ABL2: variants seen among roughly 807,000 people sequenced by gnomAD.
The protein encoded by ABL2 is tyrosine-protein kinase ABL2.
In ABL2, 49 loss-of-function variants were observed where a neutral mutation model predicts 107.7. The ratio of observed to expected loss-of-function variants is 0.45; its 90% CI spans 0.36 to 0.58. The LOEUF is 0.58. Ranked by LOEUF, ABL2 falls within the 20% of genes least tolerant of loss-of-function variation. The pLI is 0.00. For missense variants in ABL2, 1,245 were observed against 1,457.0 expected, an observed-to-expected ratio of 0.85 and a Z score of 2.37; for synonymous variants, 549 against 548.6, an observed-to-expected ratio of 1.00 and a Z score of -0.01.
chr1:179,203,806 T>C (rs1176973271), intron 1 of ABL2, among the ~76,000 whole-genome samples: 1 of 152,206 alleles, frequency 6.6e-6, no homozygotes, highest in Admixed American at 6.5e-5. Context: ...ACAGGCAGCA[T>C]AGCCTGGTGG....
chr1:179,206,007 T>A (rs149300101), intron 1 of ABL2, among the ~76,000 whole-genome samples: 2 of 152,212 alleles, frequency 1.3e-5, no homozygotes, highest in Admixed American at 6.5e-5. Flanking sequence ...ATCATTATCA[T>A]CTCTATTTTA....
chr1:179,210,190 A>G (rs1662186227), intron 1 of ABL2, among the ~76,000 whole-genome samples: 1 of 152,084 alleles, frequency 6.6e-6, no homozygotes, highest in South Asian at 2.1e-4. Flanking sequence ...AAATACTTTA[A>G]ATGAGAAAAA....
chr1:179,137,675 T>C (rs1657163392), intron 1 of ABL2: 1 of 152,248 alleles, frequency 6.6e-6, no homozygotes, highest in Admixed American at 6.5e-5. Context: ...GTCATATAGT[T>C]ATACCTTACT....
At chr1:179,118,549 G>A in intron 7 of ABL2, 38 bp downstream of exon 7, 3 of 1,575,364 alleles carry the variant, frequency 1.9e-6, no homozygotes, top group Non-Finnish European at 2.6e-6. Flanking sequence ...TGTCAAGCAA[G>A]ATGGCTTCAT....
intron 1 of ABL2, chr1:179,142,816 C>A (rs1053487423): frequency 2.7e-5 from 33 of 1,242,344 alleles, no homozygotes; most frequent in Non-Finnish European, 3.6e-5. Flanking sequence ...CAAACTTTCA[C>A]TGACCAAGAA....
At chr1:179,135,942 G>A (rs1447611356) in intron 1 of ABL2, among the ~76,000 whole-genome samples, 1 of 124,308 alleles carries the variant, frequency 8.0e-6, no homozygotes, top group Non-Finnish European at 1.8e-5. Flanking sequence ...CAGCCGCCCC[G>A]TCCAGGAGGG....
At chr1:179,135,687 G>A (rs1182129049) in intron 1 of ABL2, among the ~76,000 whole-genome samples, 9 of 145,280 alleles carry the variant, frequency 6.2e-5, no homozygotes, top group African/African-American at 1.3e-4. Context: ...CGCCCCATCC[G>A]GGAGGTGAGG....
At chr1:179,214,519 C>CATATATATATATT in intron 1 of ABL2, among the ~76,000 whole-genome samples, 1 of 122,146 alleles carries the variant, frequency 8.2e-6, no homozygotes, top group South Asian at 2.9e-4. Context: ...TTTAAAATGA[C>CATATATATATATT]ATATATATAT....
intron 1 of ABL2, among the ~76,000 whole-genome samples, chr1:179,197,604 C>T (rs1404499127): frequency 3.3e-5 from 5 of 150,146 alleles, no homozygotes; most frequent in Non-Finnish European, 5.9e-5. Context: ...TGAGGTGGCT[C>T]ACGCCTGTAA....
chr1:179,224,919 G>A (rs1018217197), intron 1 of ABL2, among the ~76,000 whole-genome samples: 7 of 151,692 alleles, frequency 4.6e-5, no homozygotes, highest in Admixed American at 6.6e-5. Context: ...TCAGCTCCTC[G>A]GGAGGCTGAG....
intron 8 of ABL2, chr1:179,117,030 A>C (rs560551416): frequency 2.7e-6 from 1 of 371,964 alleles, no homozygotes; most frequent in South Asian, 2.4e-5. Context: ...TAGAGATGGG[A>C]GTTCACCATG....
chr1:179,193,951 T>A (rs1342073306), intron 1 of ABL2, among the ~76,000 whole-genome samples: 1 of 152,166 alleles, frequency 6.6e-6, no homozygotes, highest in Admixed American at 6.6e-5. Flanking sequence ...TTAGCCAGGA[T>A]GGTCTCGATC....
chr1:179,223,003 G>C (rs369731081), intron 1 of ABL2, among the ~76,000 whole-genome samples: 1 of 151,182 alleles, frequency 6.6e-6, no homozygotes, highest in Non-Finnish European at 1.5e-5. Flanking sequence ...CCAGCTACTC[G>C]GGAGGCTGAG....
intron 1 of ABL2, among the ~76,000 whole-genome samples, chr1:179,149,570 G>C (rs1230661661): frequency 6.6e-6 from 1 of 152,208 alleles, no homozygotes; most frequent in Non-Finnish European, 1.5e-5. Flanking sequence ...CAAAGGACAG[G>C]TTGATTCTCT....
rs1386860178 is a variant in ABL2 at position 179,105,148 on chromosome 1, A to C, written c.*2570T>G. The C allele has an allele frequency of 4.4e-6, 1 of 229,732 alleles. No homozygotes were observed. Among genetic ancestry groups the C allele is most frequent in the East Asian group, 6.2e-5 (1 of 16,210 alleles). 14.2% of individuals were successfully genotyped at this position (229,732 alleles called of 1,614,324 possible). A position where few individuals can be genotyped will look rare whatever the true frequency, so the allele number is the denominator to read the frequency against. ...AATTCCATTTATATATCGTGCACCC[A>C]CTGTAGGCAAGACAGCTAGGTGCTG... On this transcript the variant is annotated 3_prime_UTR_variant, in exon 12 of 12. Coordinates refer to ENST00000502732, the MANE Select transcript of ABL2 (RefSeq NM_007314.4).
intron 1 of ABL2, among the ~76,000 whole-genome samples, chr1:179,174,920 A>ATAATAAT (rs1553228695): frequency 4.0e-4 from 49 of 122,860 alleles, no homozygotes; most frequent in East Asian, 4.8e-4. Context: ...AAAATAAAAA[A>ATAATAAT]AATAATAATA....
chr1:179,117,378 T>C lies in ABL2; in HGVS notation c.1362A>G (p.Pro454=), dbSNP rs747647642. The change falls in exon 8 of 12, where the codon CCA becomes CCG. Residue 454 remains proline, a synonymous_variant. Coordinates refer to ENST00000502732, the MANE Select transcript of ABL2 (RefSeq NM_007314.4). The part of the protein sequence containing the change: ...GAKFPIKWTA[P]ESLAYNTFSI... ...AGAAGGTATTGTAGGCAAGACTCTC[T>C]GGTGCTGTCCACTTAATAGGAAATT... is the stretch of plus-strand genomic sequence containing the variant. The C allele has an allele frequency of 6.2e-6, 10 of 1,614,208 alleles. No homozygotes were observed. The highest frequency in any genetic ancestry group is 8.5e-6 in the Non-Finnish European group (10 of 1,180,042).
chr1:179,143,099 G>C, intron 1 of ABL2: 1 of 1,592,434 alleles, frequency 6.3e-7, no homozygotes, highest in Non-Finnish European at 8.6e-7. Context: ...GGAAGTCTTA[G>C]AATTCCATTC....
intron 10 of ABL2, 110 bp downstream of exon 10, chr1:179,112,199 G>C: frequency 1.2e-6 from 1 of 865,184 alleles, no homozygotes; most frequent in Non-Finnish European, 1.8e-6. Flanking sequence ...AGTTGAAACA[G>C]AGTCTCAAAC....
Sources: gnomAD v4.1 joint callset for allele counts (sites outside exome capture counted in the v4.1 genomes callset) on GRCh38, gnomAD v4.1.1 for gene constraint, MANE v1.5 for transcripts, NCBI Gene and HGNC (gene_info 2026-07-23, HGNC 2026-07-21) for gene names.